Variants in DENND3 observed in about 807,000 individuals in gnomAD.
The protein encoded by DENND3 is DENN domain containing 3, also known as DENN domain-containing protein 3.
DENND3 carries 88 observed loss-of-function variants against 135.1 expected under a neutral mutation model. The observed-to-expected ratio is 0.65, with a 90% confidence interval of 0.55 to 0.78. DENND3 has a LOEUF of 0.78. Ranked by LOEUF, DENND3 falls within the 30% of genes least tolerant of loss-of-function variation. The pLI is 0.00. For missense variants in DENND3, 1,392 were observed against 1,688.4 expected (o/e 0.82, Z 3.08); for synonymous variants, 693 against 712.3 (o/e 0.97, Z 0.43).
At chr8:141,169,504 C>T (rs548409112) in intron 13 of DENND3, among the ~76,000 whole-genome samples, 10 of 152,320 alleles carry the variant, frequency 6.6e-5, no homozygotes, top group African/African-American at 2.4e-4. Flanking sequence ...AAAGCGGGGA[C>T]GTGGGACAAA....
chr8:141,134,280 TTTTTTATTTTTTA>T lies in DENND3; in HGVS notation c.103-2218_103-2206del, dbSNP rs1816499622. Among the ~76,000 whole-genome samples, 3 of 150,820 alleles carry T rather than the reference TTTTTTATTTTTTA, an allele frequency of 2.0e-5. No individual in the cohort carries two copies. In the South Asian group the frequency reaches 6.4e-4, roughly 32 times the overall value. ...TATAAAATAATATGGATTTCCCATA[TTTTTTATTTTTTA>T]TTTTTATTTTATTTTTTTTTTGAGA... is the stretch of plus-strand genomic sequence containing the variant. On this transcript the variant is annotated intron_variant, in intron 1 of 22. Transcript: ENST00000519811.
intron 20 of DENND3, chr8:141,190,697 G>A: frequency 2.8e-6 from 1 of 363,498 alleles, no homozygotes. Flanking sequence ...CTTGGCTTTT[G>A]CTGTGCCCTG....
At chr8:141,156,686 G>T (rs1277028611) in intron 8 of DENND3, among the ~76,000 whole-genome samples, 1 of 151,956 alleles carries the variant, frequency 6.6e-6, no homozygotes, top group Non-Finnish European at 1.5e-5. Context: ...CCTTGAGTTT[G>T]TCTGCTGGGT....
chr8:141,142,379 G>C (rs1569555289), intron 4 of DENND3: 1 of 456,998 alleles, frequency 2.2e-6, no homozygotes, highest in East Asian at 7.0e-5. Context: ...CGCTGAATTG[G>C]TGCTGTTCTT....
Position 141,138,680 on chromosome 8 carries a change from C to T in DENND3, c.501+543C>T, listed in dbSNP as rs988891305. Among the ~76,000 whole-genome samples the T allele has an allele frequency of 1.1e-4, 16 of 152,262 alleles. No homozygotes were observed. The highest frequency in any genetic ancestry group is 3.1e-4 in the African/African-American group (13 of 41,538). ...GGATTACAGGTGTGAGCGCTGCGCC[C>T]GGCCGGCTAATCCCCTTTCTGTCTC... On this transcript the variant is annotated intron_variant, in intron 3 of 22. Coordinates refer to ENST00000519811, the MANE Select transcript of DENND3 (RefSeq NM_001352890.3). This position sits in a 1 kb window ranked among gnomAD's most constrained non-coding sequence, Gnocchi z 4.8.
chr8:141,132,569 C>G (rs1269033926), intron 1 of DENND3, among the ~76,000 whole-genome samples: 1 of 152,110 alleles, frequency 6.6e-6, no homozygotes, highest in African/African-American at 2.4e-5. Flanking sequence ...GTTGATCAGG[C>G]TAGTCTTGAA....
chr8:141,190,427 G>A lies in DENND3; in HGVS notation c.3379+10G>A. On this transcript the variant is annotated intron_variant, in intron 20 of 22. Transcript: ENST00000519811. ...GGCCGCCTGTGGTGCTGTAAGTCCG[G>A]CCCCTGCCATCAGAGCGGGCACCCT... 1 of 1,602,302 alleles carries A rather than the reference G, an allele frequency of 6.2e-7. No individual in the cohort carries two copies.
chr8:141,194,128 G>A lies in DENND3; in HGVS notation c.3732G>A (p.Val1244=), dbSNP rs1176463331. ...GGAAGACCGTGGAGAAGGAGCTGGT[G>A]GCGCACATGGACACCGTGAGGACGC... ...AERKTVEKEL[V]AHMDTVRTLC... Residue 1244 remains valine (V), a synonymous_variant, in exon 23 of 23, where the codon GTG becomes GTA. Coordinates refer to ENST00000519811, the MANE Select transcript of DENND3 (RefSeq NM_001352890.3). The A allele has an allele frequency of 1.2e-6, 2 of 1,613,974 alleles. No homozygotes were observed.
At chr8:141,186,592 ATTC>A (rs1429784400) in intron 18 of DENND3, among the ~76,000 whole-genome samples, 13 of 152,308 alleles carry the variant, frequency 8.5e-5, no homozygotes, top group Admixed American at 7.2e-4. Flanking sequence ...GCCCAAGACA[ATTC>A]TTCTTCCACT....
chr8:141,139,197 G>A lies in DENND3; in HGVS notation c.501+1060G>A, dbSNP rs1021821739. Among the ~76,000 whole-genome samples the A allele has an allele frequency of 6.6e-6, 1 of 152,180 alleles. No homozygotes were observed. The highest frequency in any genetic ancestry group is 1.5e-5 in the Non-Finnish European group (1 of 68,034). The stretch of plus-strand genomic sequence containing the variant: ...TCCATGCAGTCGAGAGAAATGGCTG[G>A]CCTGGATTCCCTCGGAGCCCGGGAC... On this transcript the variant is annotated intron_variant, in intron 3 of 22. Coordinates refer to ENST00000519811, the MANE Select transcript of DENND3 (RefSeq NM_001352890.3). This position sits in a 1 kb window ranked among gnomAD's most constrained non-coding sequence, Gnocchi z 4.2.
chr8:141,139,890 C>T lies in DENND3; in HGVS notation c.502-1313C>T, dbSNP rs967484095. Among the ~76,000 whole-genome samples the T allele has an allele frequency of 4.6e-5, 7 of 151,276 alleles. No homozygotes were observed. The highest frequency in any genetic ancestry group is 1.5e-4 in the African/African-American group (6 of 41,030). ...CCTTCTTCACTATGTATCCGGATGA[C>T]GCTATATCTATCGTTTTTTTCTTTC... On this transcript the variant is annotated intron_variant, in intron 3 of 22. Transcript: ENST00000519811. This position sits in a 1 kb window ranked among gnomAD's most constrained non-coding sequence, Gnocchi z 4.2.
intron 10 of DENND3, among the ~76,000 whole-genome samples, chr8:141,164,911 T>C (rs1289466272): frequency 6.6e-6 from 1 of 152,254 alleles, no homozygotes; most frequent in Non-Finnish European, 1.5e-5. Flanking sequence ...TACTGCCTTA[T>C]GGCCAGAAGC....
rs1820918744 is a variant in DENND3 at position 141,167,197 on chromosome 8, G to T, written c.1754-807G>T. Among the ~76,000 whole-genome samples, 1 of 152,170 alleles carries T rather than the reference G, an allele frequency of 6.6e-6. No individual in the cohort carries two copies. On this transcript the variant is annotated intron_variant, in intron 12 of 22. Transcript: ENST00000519811. This position sits in a 1 kb window ranked among gnomAD's most constrained non-coding sequence, Gnocchi z 4.1. ...AGCGAACATTCTGGAGGCCACTGTGGGGTCCGAGCCTTCTGCCCCTGGCTG... is the reference window on the plus strand; with the variant it reads ...AGCGAACATTCTGGAGGCCACTGTGTGGTCCGAGCCTTCTGCCCCTGGCTG...
At chr8:141,145,295 C>A (rs1445434097) in intron 5 of DENND3, among the ~76,000 whole-genome samples, 1 of 152,214 alleles carries the variant, frequency 6.6e-6, no homozygotes, top group Non-Finnish European at 1.5e-5. Context: ...TCCCTGAAAC[C>A]CACCTATGAC....
rs1235535724 is a variant in DENND3 at position 141,154,592 on chromosome 8, C to T, written c.1075-1257C>T. 1.4e-5 allele frequency among the ~76,000 whole-genome samples: 2 copies of T among 146,880 alleles called. No individual in the cohort carries two copies. The highest frequency in any genetic ancestry group is 2.0e-4 in the East Asian group (1 of 5,028). On this transcript the variant is annotated intron_variant, in intron 7 of 22. Transcript: ENST00000519811. The surrounding 1 kb of genome is among the most constrained non-coding windows in gnomAD (Gnocchi z 4.4). ...TTTTTTTTTTTGTGAGATGGAGTTT[C>T]GCTCTTGTTGCCCAGGCTGGAGTGC...
In DENND3 at chr8:141,184,095, G is replaced by A. The variant is rs566354032; in HGVS notation, c.2945-1044G>A. Among the ~76,000 whole-genome samples the A allele has an allele frequency of 2.6e-5, 4 of 152,324 alleles. No individual in the cohort carries two copies. The South Asian group carries it at 6.2e-4, about 24-fold the overall frequency. ...TGCCATCTTCATGGCCGGACACGGC[G>A]CCTACAGCCTCTTCCCCAGACCCTG... is the stretch of plus-strand genomic sequence containing the variant. On this transcript the variant is annotated intron_variant, in intron 17 of 22. Coordinates refer to ENST00000519811, the MANE Select transcript of DENND3 (RefSeq NM_001352890.3).
At chr8:141,158,865 G>A (rs559325777) in intron 8 of DENND3, among the ~76,000 whole-genome samples, 2 of 152,314 alleles carry the variant, frequency 1.3e-5, no homozygotes, top group African/African-American at 2.4e-5. Flanking sequence ...GAGGCATGGG[G>A]TTCCGGGAGA....
Position 141,151,621 on chromosome 8 carries a change from C to A in DENND3, c.858C>A (p.Ile286=), listed in dbSNP as rs1204297638. 6.2e-7 allele frequency: 1 copy of A among 1,613,818 alleles called. No homozygotes were observed. The highest frequency in any genetic ancestry group is 1.1e-5 in the South Asian group (1 of 91,072). ...LCFRPEKVLQ[I]LTCILTEQRI... ...AGTGCGGCGGGTTCTCCCCTCAGAT[C>A]CTGACATGCATCCTGACGGAACAGC... The change falls in exon 7 of 23, where the codon ATC becomes ATA. Residue 286 remains isoleucine (I), a splice_region_variant and synonymous_variant. Coordinates refer to ENST00000519811, the MANE Select transcript of DENND3 (RefSeq NM_001352890.3).
At position 141,194,724 on chromosome 8, in the gene DENND3, G is replaced by A. The variant is rs1341255048; in HGVS notation, c.*491G>A. 1 of 160,144 alleles carries A rather than the reference G, an allele frequency of 6.2e-6. No homozygotes were observed. The highest frequency in any genetic ancestry group is 1.8e-4 in the East Asian group (1 of 5,638). 9.9% of individuals were successfully genotyped at this position (160,144 alleles called of 1,614,324 possible). On this transcript the variant is annotated 3_prime_UTR_variant, in exon 23 of 23. Transcript: ENST00000519811. ...CTGGAGCCCCGGGGCCTCCAGCGAG[G>A]CCTGAGAAGGGTGGTTCGGGTAACC... is the stretch of plus-strand genomic sequence containing the variant.
Sources: gnomAD v4.1 joint callset for allele counts (sites outside exome capture counted in the v4.1 genomes callset) on GRCh38, gnomAD v4.1.1 for gene constraint, Gnocchi (gnomAD v3.1) non-coding constraint, MANE v1.5 for transcripts, NCBI Gene and HGNC (gene_info 2026-07-23, HGNC 2026-07-21) for gene names.